KDM1B: variants seen among roughly 807,000 people sequenced by gnomAD.
KDM1B encodes lysine demethylase 1B.
KDM1B carries 63 observed loss-of-function variants against 107.4 expected under a neutral mutation model. That is an observed-to-expected ratio of 0.59 (90% CI 0.48 to 0.72). The LOEUF (loss-of-function observed/expected upper bound fraction) is 0.72. Ranked by LOEUF, KDM1B falls within the 30% of genes least tolerant of loss-of-function variation. The pLI, the probability that KDM1B is intolerant of heterozygous loss-of-function variation, is 0.00. For missense variants in KDM1B, 749 were observed against 1,020.8 expected (o/e 0.73, Z 3.63); for synonymous variants, 363 against 363.9 (o/e 1.00, Z 0.03).
rs1789014668 is a variant in KDM1B, at chr6:18,213,579, A to G, written c.1984-77A>G. 1.2e-5 allele frequency: 18 copies of G among 1,480,042 alleles called. No individual in the cohort carries two copies. Among genetic ancestry groups the G allele is most frequent in the South Asian group, 1.1e-4 (10 of 86,968 alleles). 91.7% of individuals were successfully genotyped at this position (1,480,042 alleles called of 1,614,324 possible). Reference sequence around the variant, plus strand: ...AGTGTCTTTGTTTTAGAGTAGAGCTACAGGTTGCTGCTTAGATATTGCCTG... The same window carrying G: ...AGTGTCTTTGTTTTAGAGTAGAGCTGCAGGTTGCTGCTTAGATATTGCCTG... On this transcript the variant is annotated intron_variant, in intron 18 of 21. Transcript: ENST00000650836. The surrounding 1 kb of genome is among the most constrained non-coding windows in gnomAD (Gnocchi z 5.9).
rs533016543 is a variant in KDM1B at position 18,210,342 on chromosome 6, CTTTTTTTTTTT to C, written c.1867-2126_1867-2116del. ...TCTTTCTTTTTTTTCTCTTTCTTTT[CTTTTTTTTTTT>C]TTTTTTTTTTTTTTTTTTTGTTTTA... On this transcript the variant is annotated intron_variant, in intron 17 of 21. Transcript: ENST00000650836. 2.9e-3 allele frequency among the ~76,000 whole-genome samples: 204 copies of C among 70,006 alleles called. 1 individual carries two copies. The highest frequency in any genetic ancestry group is 9.4e-3 in the Middle Eastern group (1 of 106). 45.9% of individuals were successfully genotyped at this position (70,006 alleles called of 152,430 possible).
chr6:18,161,547 G>A (rs150176729), intron 4 of KDM1B, 93 bp downstream of exon 4: 162 of 1,322,826 alleles, frequency 1.2e-4, no homozygotes, highest in Non-Finnish European at 1.6e-4. Context: ...CCTAAAGATA[G>A]ATACAGATAC....
At chr6:18,220,294 C>G (rs1160344749) in intron 21 of KDM1B, among the ~76,000 whole-genome samples, 2 of 152,238 alleles carry the variant, frequency 1.3e-5, no homozygotes, top group Non-Finnish European at 2.9e-5. Context: ...TGGCTCACGC[C>G]TGTAATCCCA....
chr6:18,202,389 G>T (rs78437622), intron 14 of KDM1B, among the ~76,000 whole-genome samples: 11 of 150,624 alleles, frequency 7.3e-5, no homozygotes, highest in African/African-American at 2.7e-4. Flanking sequence ...AATGAAGCAA[G>T]ACCCTATTTC....
At chr6:18,195,610 C>A (rs1787590841) in intron 10 of KDM1B, among the ~76,000 whole-genome samples, 1 of 151,770 alleles carries the variant, frequency 6.6e-6, no homozygotes. Flanking sequence ...TGGTAGGCGC[C>A]TGTAGTCCCA....
chr6:18,170,988 C>T (rs960302366), intron 6 of KDM1B, among the ~76,000 whole-genome samples: 15 of 151,824 alleles, frequency 9.9e-5, no homozygotes, highest in Admixed American at 5.3e-4. Flanking sequence ...GCCTGGCTAA[C>T]TTTTTGTATT....
intron 12 of KDM1B, among the ~76,000 whole-genome samples, chr6:18,199,316 T>C (rs1423432306): frequency 6.6e-6 from 1 of 152,164 alleles, no homozygotes; most frequent in Admixed American, 6.5e-5. Context: ...GGAGAATCAA[T>C]ATTCCTTTCC....
intron 21 of KDM1B, among the ~76,000 whole-genome samples, chr6:18,220,505 C>A (rs887330419): frequency 6.6e-6 from 1 of 152,080 alleles, no homozygotes; most frequent in Admixed American, 6.5e-5. Context: ...AAGATCACGC[C>A]ACTGCACTCC....
Position 18,159,103 on chromosome 6 carries a change from A to C in KDM1B, c.-13-780A>C, listed in dbSNP as rs1482374243. Reference sequence around the variant, plus strand: ...CTGCCCCAGCCTCCTGAGTAGCTGGAATTACAGGCACGCGCCTCCATGCCT... The same window carrying C: ...CTGCCCCAGCCTCCTGAGTAGCTGGCATTACAGGCACGCGCCTCCATGCCT... On this transcript the variant is annotated intron_variant, in intron 2 of 21. Transcript: ENST00000650836. The surrounding 1 kb of genome is among the most constrained non-coding windows in gnomAD (Gnocchi z 4.5). 2.6e-5 allele frequency among the ~76,000 whole-genome samples: 4 copies of C among 152,160 alleles called. No individual in the cohort carries two copies. In the East Asian group the frequency reaches 7.7e-4, roughly 29 times the overall value.
Position 18,165,127 on chromosome 6 carries a change from G to T in KDM1B, c.306-1140G>T, listed in dbSNP as rs186100432. On this transcript the variant is annotated intron_variant, in intron 5 of 21. Transcript: ENST00000650836. The stretch of plus-strand genomic sequence containing the variant: ...TTTTTCCCCTTCCTCTGCCTTCTCT[G>T]ATTTTTTTTTTTTTTTTTTTTTTTG... Among the ~76,000 whole-genome samples, 209 of 49,712 alleles carry T rather than the reference G, an allele frequency of 4.2e-3. 1 individual carries two copies. Among genetic ancestry groups the T allele is most frequent in the African/African-American group, 0.014 (199 of 14,612 alleles). 32.6% of individuals were successfully genotyped at this position (49,712 alleles called of 152,430 possible). A position where few individuals can be genotyped will look rare whatever the true frequency, so the allele number is the denominator to read the frequency against.
rs67631382 is a variant in KDM1B, at chr6:18,157,808, C to CTTTTT, written c.-14+1900_-14+1904dup. On this transcript the variant is annotated intron_variant, in intron 2 of 21. Transcript: ENST00000650836. ...GTATAACAATTATAGGTAGATAGTC[C>CTTTTT]TTTTTTTTTTTTTTTTTTTTTTGAG... Among the ~76,000 whole-genome samples, 78 of 115,592 alleles carry CTTTTT rather than the reference C, an allele frequency of 6.7e-4. 1 individual carries two copies. Among genetic ancestry groups the CTTTTT allele is most frequent in the East Asian group, 1.1e-3 (4 of 3,502 alleles). The allele number at this position is 115,592 out of a possible 152,430, so 75.8% of individuals were successfully genotyped here.
chr6:18,166,213 T>A, intron 5 of KDM1B, 54 bp from the exon 6 acceptor site: 2 of 816,178 alleles, frequency 2.5e-6, no homozygotes, highest in Non-Finnish European at 4.2e-6. Context: ...AAAAACCTGA[T>A]TGCTTATAGC....
Position 18,208,191 on chromosome 6 carries a change from G to C in KDM1B, c.1851G>C (p.Gly617=), listed in dbSNP as rs367651243. 6.8e-6 allele frequency: 11 copies of C among 1,613,216 alleles called. No homozygotes were observed. The highest frequency in any genetic ancestry group is 8.5e-6 in the Non-Finnish European group (10 of 1,179,450). Residue 617 remains glycine, a synonymous_variant, in exon 17 of 22, where the codon GGG becomes GGC. Transcript: ENST00000650836. ...EVQVTTTDGT[G]YSAQKVLVTV... Reference sequence around the variant, plus strand: ...AGGTTACCACTACAGATGGCACAGGGTATTCTGCACAAAAGGTAAGAGCTA... The same window carrying C: ...AGGTTACCACTACAGATGGCACAGGCTATTCTGCACAAAAGGTAAGAGCTA...
Position 18,218,810 on chromosome 6 carries a change from C to G in KDM1B, c.2385+925C>G, listed in dbSNP as rs557837042. Among the ~76,000 whole-genome samples the G allele has an allele frequency of 3.9e-5, 6 of 152,316 alleles. No individual in the cohort carries two copies. In the East Asian group the frequency reaches 7.7e-4, roughly 20 times the overall value. On this transcript the variant is annotated intron_variant, in intron 21 of 21. Coordinates refer to ENST00000650836, the MANE Select transcript of KDM1B (RefSeq NM_001364614.2). The stretch of plus-strand genomic sequence containing the variant: ...CTTCCTGAGTCCTCTTCCCTCTGCT[C>G]TGGTCCACACTGGTTGACCTCTGAG...
intron 12 of KDM1B, among the ~76,000 whole-genome samples, chr6:18,198,384 G>A (rs61304872): frequency 0.017 from 2,551 of 151,276 alleles, 56 homozygotes; most frequent in African/African-American, 0.059. Flanking sequence ...ACAGTGTTAT[G>A]AGACTGGCTA....
At chr6:18,175,598 G>A (rs564693104) in intron 7 of KDM1B, among the ~76,000 whole-genome samples, 1 of 152,244 alleles carries the variant, frequency 6.6e-6, no homozygotes, top group African/African-American at 2.4e-5. Context: ...TAGAATTTTT[G>A]TAGTTTCAGG....
At chr6:18,193,758 C>T (rs1168225170) in intron 10 of KDM1B, among the ~76,000 whole-genome samples, 1 of 152,016 alleles carries the variant, frequency 6.6e-6, no homozygotes, top group African/African-American at 2.4e-5. Flanking sequence ...GGGATGGGAG[C>T]TGCTTGGTGC....
intron 8 of KDM1B, 70 bp from the exon 9 acceptor site, chr6:18,187,722 C>T: frequency 1.9e-6 from 2 of 1,036,806 alleles, no homozygotes; most frequent in Non-Finnish European, 2.9e-6. Context: ...AACCCTCTGT[C>T]CCTGGCAGAA....
rs936217976 is a variant in KDM1B at position 18,203,109 on chromosome 6, C to G, written c.1531+1452C>G. Among the ~76,000 whole-genome samples, 2 of 152,138 alleles carry G rather than the reference C, an allele frequency of 1.3e-5. No homozygotes were observed. Among genetic ancestry groups the G allele is most frequent in the African/African-American group, 4.8e-5 (2 of 41,520 alleles). On this transcript the variant is annotated intron_variant, in intron 14 of 21. Transcript: ENST00000650836. The surrounding 1 kb of genome is among the most constrained non-coding windows in gnomAD (Gnocchi z 5.5). ...AAAAATGTTTAATGATAATGCTTTG[C>G]CTTACCCTTACCTAGAACAAGCTGT... is the stretch of plus-strand genomic sequence containing the variant.
Sources: allele counts gnomAD v4.1 joint callset (sites outside exome capture counted in the v4.1 genomes callset), GRCh38; gene constraint gnomAD v4.1.1; non-coding constraint Gnocchi (gnomAD v3.1); transcripts MANE v1.5; gene names NCBI Gene and HGNC (gene_info 2026-07-23, HGNC 2026-07-21).